Variants in SLC35F4 observed in about 807,000 individuals in gnomAD.
SLC35F4 encodes solute carrier family 35 member F4, also known as chromosome 14 open reading frame 36.
SLC35F4 carries 24 observed loss-of-function variants against 44.2 expected under a neutral mutation model. The observed-to-expected ratio is 0.54, with a 90% confidence interval of 0.39 to 0.76. The LOEUF (loss-of-function observed/expected upper bound fraction) is 0.76, where lower values mean the gene tolerates loss of function less well. Ranked by LOEUF, SLC35F4 falls within the 30% of genes least tolerant of loss-of-function variation. The pLI is 0.00. For synonymous variants in SLC35F4, 238 were observed against 223.6 expected (o/e 1.06, Z -0.57); for missense variants, 562 against 586.1 (o/e 0.96, Z 0.42).
In SLC35F4 at chr14:57,564,116, A is replaced by T; in HGVS notation, c.*19T>A. 2 of 1,612,874 alleles carry T rather than the reference A, an allele frequency of 1.2e-6. No homozygotes were observed. Among genetic ancestry groups the T allele is most frequent in the Non-Finnish European group, 1.7e-6 (2 of 1,179,166 alleles). On this transcript the variant is annotated 3_prime_UTR_variant, in exon 8 of 8. Transcript: ENST00000556826. ...ATTCACAGAATATACATACACGTGC[A>T]TTCAAAATATGTCCCTCTCTAAGCC...
At chr14:57,834,956 A>G (rs2140944959) in intron 1 of SLC35F4, among the ~76,000 whole-genome samples, 1 of 152,240 alleles carries the variant, frequency 6.6e-6, no homozygotes, top group South Asian at 2.1e-4. Flanking sequence ...TTGAACCCAG[A>G]AGGCAGAGAT....
intron 1 of SLC35F4, among the ~76,000 whole-genome samples, chr14:57,954,512 T>C (rs1000304140): frequency 6.6e-6 from 1 of 151,838 alleles, no homozygotes; most frequent in Non-Finnish European, 1.5e-5. Flanking sequence ...ATTAACAAAA[T>C]AGATAGACCG....
intron 1 of SLC35F4, among the ~76,000 whole-genome samples, chr14:57,948,670 A>C (rs1284211122): frequency 6.6e-6 from 1 of 152,096 alleles, no homozygotes; most frequent in African/African-American, 2.4e-5. Flanking sequence ...GTAGGCCTTT[A>C]ATGCTATAAA....
At chr14:57,776,492 C>T (rs995451481) in intron 1 of SLC35F4, among the ~76,000 whole-genome samples, 47 of 151,924 alleles carry the variant, frequency 3.1e-4, no homozygotes, top group African/African-American at 1.1e-3. Flanking sequence ...TGGTGAAACC[C>T]CTTCTCTACT....
chr14:57,589,311 C>T lies in SLC35F4; in HGVS notation c.492G>A (p.Trp164Ter). 6.2e-7 allele frequency: 1 copy of T among 1,613,892 alleles called. No individual in the cohort carries two copies. The highest frequency in any genetic ancestry group is 8.5e-7 in the Non-Finnish European group (1 of 1,179,876). ...KNFYCPFFMTWFSTNWNIMFF... is the reference protein window; with the variant it reads ...KNFYCPFFMT ...ACATAATGTTCCAGTTTGTTGAAAA[C>T]CAAGTCATGAAAAATGGGCAATAGA... is the stretch of plus-strand genomic sequence containing the variant. Residue 164 changes from tryptophan to a stop codon, truncating the protein, a stop_gained, in exon 3 of 8, where the codon TGG becomes TGA. Transcript: ENST00000556826. LOFTEE classifies it high-confidence loss of function.
At chr14:57,692,206 G>A (rs1285704305) in intron 1 of SLC35F4, among the ~76,000 whole-genome samples, 7 of 152,102 alleles carry the variant, frequency 4.6e-5, no homozygotes, top group African/African-American at 1.2e-4. Context: ...CTAGTACGAC[G>A]AAGTTCTACC....
At chr14:57,812,439 G>A (rs566066308) in intron 1 of SLC35F4, among the ~76,000 whole-genome samples, 5 of 152,088 alleles carry the variant, frequency 3.3e-5, no homozygotes, top group Admixed American at 6.5e-5. Flanking sequence ...GGAAAAGGGC[G>A]GCTTAGGGAG....
At chr14:57,821,831 T>C (rs1442341416) in intron 1 of SLC35F4, among the ~76,000 whole-genome samples, 1 of 152,194 alleles carries the variant, frequency 6.6e-6, no homozygotes, top group East Asian at 1.9e-4. Flanking sequence ...GCTAGAATTG[T>C]TCTGCATCAG....
chr14:57,777,856 G>C (rs2077526905), intron 1 of SLC35F4, among the ~76,000 whole-genome samples: 1 of 152,068 alleles, frequency 6.6e-6, no homozygotes, highest in African/African-American at 2.4e-5. Flanking sequence ...ATCTTCCAGA[G>C]ACCCATCTCA....
chr14:57,915,781 C>A (rs1025258959), intron 1 of SLC35F4, among the ~76,000 whole-genome samples: 3 of 152,162 alleles, frequency 2.0e-5, no homozygotes, highest in Non-Finnish European at 2.9e-5. Flanking sequence ...TGATCACAAC[C>A]ACTTGAGTAA....
At chr14:57,567,209 T>C (rs2068247485) in intron 6 of SLC35F4, among the ~76,000 whole-genome samples, 1 of 152,244 alleles carries the variant, frequency 6.6e-6, no homozygotes, top group Non-Finnish European at 1.5e-5. Flanking sequence ...TTTGGTTAAA[T>C]ATAAAATTAG....
At chr14:57,595,864 T>G (rs190718554) in intron 1 of SLC35F4, 4 of 152,222 alleles carry the variant, frequency 2.6e-5, no homozygotes, top group African/African-American at 9.7e-5. Context: ...GCATTTCTAT[T>G]TCTTCTATTT....
chr14:57,569,659 G>A (rs1594883393), intron 6 of SLC35F4, 129 bp downstream of exon 6: 8 of 1,065,946 alleles, frequency 7.5e-6, no homozygotes, highest in Middle Eastern at 6.3e-4. Flanking sequence ...CATGACCAAC[G>A]ACATTGAACA....
intron 1 of SLC35F4, among the ~76,000 whole-genome samples, chr14:57,805,299 T>C (rs774632866): frequency 1.7e-4 from 26 of 152,218 alleles, no homozygotes; most frequent in Non-Finnish European, 2.1e-4. Flanking sequence ...GAAATCATTA[T>C]ATTATAAAGA....
chr14:57,649,124 A>C (rs2073671740), intron 1 of SLC35F4, among the ~76,000 whole-genome samples: 2 of 151,980 alleles, frequency 1.3e-5, no homozygotes, highest in Non-Finnish European at 2.9e-5. Flanking sequence ...AACTTCTCAC[A>C]CCTTTTCCTT....
intron 1 of SLC35F4, among the ~76,000 whole-genome samples, chr14:57,654,540 C>T (rs2073897821): frequency 6.6e-6 from 1 of 152,140 alleles, no homozygotes; most frequent in Non-Finnish European, 1.5e-5. Flanking sequence ...GTGAATTGTG[C>T]TGCTGTAAAC....
At chr14:57,565,701 G>T (rs2068171322) in intron 7 of SLC35F4, among the ~76,000 whole-genome samples, 1 of 151,934 alleles carries the variant, frequency 6.6e-6, no homozygotes, top group African/African-American at 2.4e-5. Flanking sequence ...TTATTCTGTA[G>T]AGTTCCAAGT....
intron 1 of SLC35F4, among the ~76,000 whole-genome samples, chr14:57,803,512 A>G (rs570580012): frequency 1.6e-4 from 24 of 151,854 alleles, no homozygotes; most frequent in Non-Finnish European, 3.1e-4. Context: ...AGGTAGTCAA[A>G]TTATTTTTAT....
At chr14:57,979,015 CT>C (rs954976353) in intron 1 of SLC35F4, among the ~76,000 whole-genome samples, 2 of 152,184 alleles carry the variant, frequency 1.3e-5, no homozygotes, top group South Asian at 2.1e-4. Context: ...ATCTGCTGGT[CT>C]TATTAACTGT....
Sources: gnomAD v4.1 joint callset for allele counts (sites outside exome capture counted in the v4.1 genomes callset) on GRCh38, gnomAD v4.1.1 for gene constraint, MANE v1.5 for transcripts, NCBI Gene and HGNC (gene_info 2026-07-23, HGNC 2026-07-21) for gene names.